CHRDL1: variants seen among roughly 807,000 people sequenced by gnomAD.
CHRDL1 encodes the protein chordin-like protein 1.
A neutral mutation model predicts 40.9 loss-of-function variants in CHRDL1; 19 were observed. The ratio of observed to expected loss-of-function variants is 0.46; its 90% CI spans 0.32 to 0.68. The LOEUF is 0.68. Ranked by LOEUF, CHRDL1 falls within the 30% of genes least tolerant of loss-of-function variation. CHRDL1 has a pLI of 0.03. For synonymous variants in CHRDL1, 136 were observed against 123.4 expected, an observed-to-expected ratio of 1.10 and a Z score of -0.68; for missense variants, 329 against 352.1, an observed-to-expected ratio of 0.93 and a Z score of 0.53.
intron 2 of CHRDL1, among the ~76,000 whole-genome samples, chrX:110,771,968 T>C (rs1338617921): frequency 8.9e-6 from 1 of 111,983 alleles, no homozygotes; most frequent in South Asian, 3.7e-4. Context: ...ATATATTTTA[T>C]AATGAACAAT....
intron 4 of CHRDL1, among the ~76,000 whole-genome samples, chrX:110,732,205 G>A (rs780158926): frequency 1.1e-3 from 126 of 111,223 alleles, no homozygotes; most frequent in African/African-American, 4.0e-3. Context: ...GTCCCCAGCC[G>A]TGGTGTATCC....
At position 110,679,430 on chromosome X, in the gene CHRDL1, G is replaced by T; in HGVS notation, c.1157-5C>A. The T allele has an allele frequency of 8.5e-7, 1 of 1,172,913 alleles. No homozygotes were observed. Among genetic ancestry groups the T allele is most frequent in the Non-Finnish European group, 1.2e-6 (1 of 860,826 alleles). ...TATGGAAGTGCTGGAGAATGCCTAG[G>T]GCCAAGCAAAAAGTGGAGCAAATGG... On this transcript the variant is annotated splice_region_variant and splice_polypyrimidine_tract_variant and intron_variant, in intron 10 of 11. Coordinates refer to ENST00000372042, the MANE Select transcript of CHRDL1 (RefSeq NM_001143981.2).
chrX:110,744,111 C>T (rs192135743), intron 4 of CHRDL1, among the ~76,000 whole-genome samples: 9 of 112,269 alleles, frequency 8.0e-5, no homozygotes, highest in African/African-American at 1.3e-4. Flanking sequence ...TGCCCCAGGG[C>T]GCCAGTAGAA....
intron 4 of CHRDL1, among the ~76,000 whole-genome samples, chrX:110,725,996 C>G (rs946176445): frequency 9.0e-6 from 1 of 111,546 alleles, no homozygotes; most frequent in Non-Finnish European, 1.9e-5. Flanking sequence ...GAGAGACATA[C>G]ACATCCAACA....
At position 110,694,271 on chromosome X, in the gene CHRDL1, A is replaced by C. The variant is rs1175387339; in HGVS notation, c.670T>G (p.Ser224Ala). The C allele has an allele frequency of 1.7e-6, 2 of 1,210,015 alleles. No individual in the cohort carries two copies. Among genetic ancestry groups the C allele is most frequent in the Non-Finnish European group, 2.2e-6 (2 of 893,603 alleles). Reference protein sequence around the residue: ...PPPSRQAGGLSRFPGARSHRG... With the variant: ...PPPSRQAGGLARFPGARSHRG... ...TGACTTCTGGCCCCAGGAAAGCGGG[A>C]CAGACCTCCAGCCTGTCGGCTTGGT... The change falls in exon 8 of 12, where the codon TCC becomes GCC. Residue 224 changes from serine (S) to alanine (A), a missense_variant. By Grantham distance (99) the Ser-to-Ala change is moderately conservative. Coordinates refer to ENST00000372042, the MANE Select transcript of CHRDL1 (RefSeq NM_001143981.2).
intron 3 of CHRDL1, among the ~76,000 whole-genome samples, chrX:110,760,633 G>A (rs930396421): frequency 2.9e-4 from 32 of 111,680 alleles, no homozygotes; most frequent in African/African-American, 1.0e-3. Context: ...CCAACGTGTC[G>A]AAATGTGTCG....
At chrX:110,788,427 A>G (rs1242364512) in intron 2 of CHRDL1, among the ~76,000 whole-genome samples, 1 of 111,609 alleles carries the variant, frequency 9.0e-6, no homozygotes, top group Non-Finnish European at 1.9e-5. Flanking sequence ...GATGCCCCAA[A>G]TAGGAGAGCA....
chrX:110,744,925 G>A (rs1208951596), intron 4 of CHRDL1, among the ~76,000 whole-genome samples: 1 of 108,253 alleles, frequency 9.2e-6, no homozygotes, highest in Non-Finnish European at 1.9e-5. Context: ...CTTTGAGATA[G>A]GAACTATCAT....
intron 3 of CHRDL1, among the ~76,000 whole-genome samples, chrX:110,760,573 C>T (rs956960482): frequency 8.9e-6 from 1 of 111,760 alleles, no homozygotes; most frequent in Non-Finnish European, 1.9e-5. Context: ...AACATTTTGA[C>T]TGCGTTGCAG....
At chrX:110,676,501 T>C in intron 11 of CHRDL1, 140 bp from the exon 12 acceptor site, 1 of 532,829 alleles carries the variant, frequency 1.9e-6, no homozygotes, top group Non-Finnish European at 2.9e-6. Context: ...TATCACTTGG[T>C]TTCAAAAAAT....
chrX:110,791,080 T>A (rs2148542209), intron 2 of CHRDL1, among the ~76,000 whole-genome samples: 1 of 110,601 alleles, frequency 9.0e-6, no homozygotes, highest in East Asian at 2.8e-4. Context: ...GCCTTCTGCC[T>A]GATCTATTTA....
chrX:110,714,295 A>G (rs1234849296), intron 6 of CHRDL1, among the ~76,000 whole-genome samples: 1 of 111,580 alleles, frequency 9.0e-6, no homozygotes, highest in Non-Finnish European at 1.9e-5. Flanking sequence ...ATGCACGCAA[A>G]TGTTCATTGC....
intron 8 of CHRDL1, among the ~76,000 whole-genome samples, chrX:110,692,925 C>A (rs899994588): frequency 4.5e-5 from 5 of 112,257 alleles, no homozygotes; most frequent in African/African-American, 1.6e-4. Flanking sequence ...GATTGTTTTT[C>A]ACCCATGTTA....
intron 9 of CHRDL1, among the ~76,000 whole-genome samples, chrX:110,681,949 G>T (rs1001264807): frequency 1.8e-5 from 2 of 111,841 alleles, no homozygotes; most frequent in African/African-American, 6.5e-5. Context: ...CTGTCACTGA[G>T]AAGTGGACTT....
At chrX:110,738,797 AGT>A (rs1027268382) in intron 4 of CHRDL1, among the ~76,000 whole-genome samples, 2 of 110,421 alleles carry the variant, frequency 1.8e-5, no homozygotes, top group African/African-American at 6.6e-5. Flanking sequence ...ATTCTATGTG[AGT>A]GTGTTAAAGG....
At chrX:110,747,149 C>G (rs1001766629) in intron 4 of CHRDL1, among the ~76,000 whole-genome samples, 24 of 110,735 alleles carry the variant, frequency 2.2e-4, no homozygotes, top group African/African-American at 7.9e-4. Context: ...GGGTTCCTGA[C>G]CAGCCTGACT....
At chrX:110,703,631 G>C (rs940476447) in intron 6 of CHRDL1, among the ~76,000 whole-genome samples, 1 of 111,726 alleles carries the variant, frequency 9.0e-6, no homozygotes, top group African/African-American at 3.3e-5. Flanking sequence ...AATCAATATA[G>C]GAAACAGCCT....
intron 6 of CHRDL1, among the ~76,000 whole-genome samples, chrX:110,713,747 G>C (rs1490344629): frequency 8.9e-6 from 1 of 112,591 alleles, no homozygotes; most frequent in African/African-American, 3.2e-5. Context: ...TACTATTTTT[G>C]CCAGGATCAA....
intron 4 of CHRDL1, among the ~76,000 whole-genome samples, chrX:110,733,047 C>G (rs982331971): frequency 8.9e-6 from 1 of 112,259 alleles, no homozygotes; most frequent in Admixed American, 9.4e-5. Flanking sequence ...ATGATTATCT[C>G]CCTGCTTACC....
Sources: gnomAD v4.1 joint callset for allele counts (sites outside exome capture counted in the v4.1 genomes callset) on GRCh38, gnomAD v4.1.1 for gene constraint, MANE v1.5 for transcripts, NCBI Gene and HGNC (gene_info 2026-07-23, HGNC 2026-07-21) for gene names.